P2RY8: variants seen among roughly 807,000 people sequenced by gnomAD.
The protein encoded by P2RY8 is S-geranylgeranyl-glutathione receptor P2RY8.
A neutral mutation model predicts 10.0 loss-of-function variants in P2RY8; 6 were observed. The observed-to-expected ratio is 0.60, with a 90% CI of 0.33 to 1.19. The LOEUF (loss-of-function observed/expected upper bound fraction) is 1.19. P2RY8 is among the 50% of genes most tolerant of loss of function. The pLI, the probability that P2RY8 is intolerant of heterozygous loss-of-function variation, is 0.04. For missense variants in P2RY8, 456 were observed against 542.0 expected (o/e 0.84, Z 1.58); for synonymous variants, 276 against 252.5 (o/e 1.09, Z -0.88).
intron 1 of P2RY8, among the ~76,000 whole-genome samples, chrX:1,513,546 C>T (rs1364311558): frequency 6.6e-6 from 1 of 151,038 alleles, no homozygotes; most frequent in African/African-American, 2.4e-5. Flanking sequence ...GTCTCCTCTT[C>T]TGTCTCTTAC....
chrX:1,479,172 A>G (rs1278180076), intron 1 of P2RY8, among the ~76,000 whole-genome samples: 4 of 152,242 alleles, frequency 2.6e-5, no homozygotes, highest in African/African-American at 9.6e-5. Flanking sequence ...TTTCCCCTCC[A>G]GGTCCCACTT....
chrX:1,495,007 T>G (rs1464191360), intron 1 of P2RY8, among the ~76,000 whole-genome samples: 1 of 152,068 alleles, frequency 6.6e-6, no homozygotes, highest in African/African-American at 2.4e-5. Flanking sequence ...CATGAGCCAC[T>G]GCGCCCGGCT....
At chrX:1,482,618 T>G (rs756608973) in intron 1 of P2RY8, among the ~76,000 whole-genome samples, 2 of 152,290 alleles carry the variant, frequency 1.3e-5, no homozygotes, top group South Asian at 2.1e-4. Flanking sequence ...AGATCTAAAT[T>G]TAAGTATTTA....
intron 1 of P2RY8, among the ~76,000 whole-genome samples, chrX:1,482,989 T>C (rs1215177043): frequency 6.6e-6 from 1 of 152,058 alleles, no homozygotes; most frequent in African/African-American, 2.4e-5. Context: ...ATATACCTAA[T>C]GCTAAATGAC....
chrX:1,518,423 CT>C lies in P2RY8; in HGVS notation c.-25+18497del, dbSNP rs1268182171. Among the ~76,000 whole-genome samples the C allele has an allele frequency of 6.7e-3, 331 of 49,770 alleles. 2 individuals carry two copies. Among genetic ancestry groups the C allele is most frequent in the African/African-American group, 0.021 (309 of 14,410 alleles). The allele number at this position is 49,770 out of a possible 152,430, so 32.7% of individuals were successfully genotyped here. A position where few individuals can be genotyped will look rare whatever the true frequency, so the allele number is the denominator to read the frequency against. ...CGTGGGTGACAGAGCGAGACTCCGT[CT>C]CAAAAAAAAAAAAATAATAATAATA... On this transcript the variant is annotated intron_variant, in intron 1 of 1. Coordinates refer to ENST00000381297, the MANE Select transcript of P2RY8 (RefSeq NM_178129.5).
intron 1 of P2RY8, among the ~76,000 whole-genome samples, chrX:1,522,102 A>G (rs1410161540): frequency 6.0e-5 from 9 of 150,572 alleles, no homozygotes; most frequent in African/African-American, 2.0e-4. Context: ...ACAGGCATGC[A>G]CCACCATGCC....
chrX:1,530,243 T>A (rs1480881524), intron 1 of P2RY8, among the ~76,000 whole-genome samples: 1 of 151,816 alleles, frequency 6.6e-6, no homozygotes, highest in Non-Finnish European at 1.5e-5. Context: ...TATGTATCTA[T>A]CTATCTCTAT....
chrX:1,511,743 C>T (rs2092299050), intron 1 of P2RY8, among the ~76,000 whole-genome samples: 1 of 152,224 alleles, frequency 6.6e-6, no homozygotes, highest in African/African-American at 2.4e-5. Flanking sequence ...GCATTGCCTT[C>T]AACGGCATGT....
intron 1 of P2RY8, among the ~76,000 whole-genome samples, chrX:1,487,110 G>T (rs1258090445): frequency 7.4e-4 from 113 of 152,224 alleles, no homozygotes; most frequent in African/African-American, 2.6e-3. Context: ...ATTTGAGCTT[G>T]GCTGGGCCTG....
intron 1 of P2RY8, among the ~76,000 whole-genome samples, chrX:1,507,024 T>C (rs867008788): frequency 9.1e-5 from 2 of 21,946 alleles, no homozygotes; most frequent in African/African-American, 1.8e-4. Flanking sequence ...GTCCTAGGAG[T>C]CCATGGATTC....
intron 1 of P2RY8, among the ~76,000 whole-genome samples, chrX:1,498,697 T>C (rs2092145028): frequency 6.6e-6 from 1 of 150,928 alleles, no homozygotes; most frequent in African/African-American, 2.4e-5. Flanking sequence ...TTTGTATTTT[T>C]AGTAAAGATG....
At chrX:1,509,805 C>G (rs1448059309) in intron 1 of P2RY8, among the ~76,000 whole-genome samples, 1,001 of 69,700 alleles carry the variant, frequency 0.014, 14 homozygotes, top group Middle Eastern at 0.061. Context: ...TCCTATCTAT[C>G]TATCTATCTA....
chrX:1,498,869 T>G (rs1325100544), intron 1 of P2RY8, among the ~76,000 whole-genome samples: 3 of 151,422 alleles, frequency 2.0e-5, no homozygotes, highest in African/African-American at 7.3e-5. Context: ...AGTCTCACTC[T>G]TGTCACCCAG....
At chrX:1,478,233 T>G (rs1342126695) in intron 1 of P2RY8, among the ~76,000 whole-genome samples, 2 of 80,424 alleles carry the variant, frequency 2.5e-5, no homozygotes, top group East Asian at 3.0e-4. Context: ...AAATGAAAAA[T>G]GGTGCTGGCA....
At chrX:1,499,944 C>G (rs5989768) in intron 1 of P2RY8, among the ~76,000 whole-genome samples, 4 of 145,320 alleles carry the variant, frequency 2.8e-5, no homozygotes, top group Non-Finnish European at 6.1e-5. Context: ...CTGCAAGCTC[C>G]GCCTCCCGGG....
chrX:1,509,267 TATCTATCTATCC>T (rs1321720765), intron 1 of P2RY8, among the ~76,000 whole-genome samples: 1 of 109,956 alleles, frequency 9.1e-6, no homozygotes, highest in Non-Finnish European at 2.5e-5. Context: ...TCTAGCCATC[TATCTATCTATCC>T]ATCATCTATG....
rs1242981270 is a variant in P2RY8 at position 1,465,725 on chromosome X, C to G, written c.834G>C (p.Thr278=). The G allele has an allele frequency of 1.2e-6, 2 of 1,613,718 alleles. No individual in the cohort carries two copies. The highest frequency in any genetic ancestry group is 1.7e-5 in the Admixed American group (1 of 60,026). The change falls in exon 2 of 2, where the codon ACG becomes ACC. Residue 278 remains threonine (T), a synonymous_variant. Coordinates refer to ENST00000381297, the MANE Select transcript of P2RY8 (RefSeq NM_178129.5). ...AGTTGTTGAGGCAGCTGAGACACAG[C>G]GTGAGCTTGTACACGTGGTAGTAGC... ...GKSYYHVYKL[T]LCLSCLNNCL...
chrX:1,497,841 G>C (rs1481579107), intron 1 of P2RY8, among the ~76,000 whole-genome samples: 1 of 152,022 alleles, frequency 6.6e-6, no homozygotes, highest in Non-Finnish European at 1.5e-5. Context: ...CGGCTTGGAG[G>C]CCTGTGGGTG....
chrX:1,508,410 C>T (rs1464956891), intron 1 of P2RY8, among the ~76,000 whole-genome samples: 3 of 152,124 alleles, frequency 2.0e-5, no homozygotes, highest in African/African-American at 7.2e-5. Context: ...CTGCACGGGA[C>T]GGCCCTGCCA....
Sources: gnomAD v4.1 joint callset for allele counts (sites outside exome capture counted in the v4.1 genomes callset) on GRCh38, gnomAD v4.1.1 for gene constraint, MANE v1.5 for transcripts, NCBI Gene and HGNC (gene_info 2026-07-23, HGNC 2026-07-21) for gene names.